Variants in PTPN14 observed in about 807,000 individuals in gnomAD.
PTPN14 encodes protein tyrosine phosphatase non-receptor type 14, also known as tyrosine-protein phosphatase non-receptor type 14.
A neutral mutation model predicts 126.8 loss-of-function variants in PTPN14; 53 were observed. The observed-to-expected ratio is 0.42, with a 90% CI of 0.34 to 0.53. The LOEUF (loss-of-function observed/expected upper bound fraction) is 0.53, where lower values mean the gene tolerates loss of function less well. Ranked by LOEUF, PTPN14 falls within the 20% of genes least tolerant of loss-of-function variation. The pLI, the probability that PTPN14 is intolerant of heterozygous loss-of-function variation, is 0.08. For missense variants in PTPN14, 1,257 were observed against 1,552.9 expected, an observed-to-expected ratio of 0.81 and a Z score of 3.20; for synonymous variants, 630 against 599.3, an observed-to-expected ratio of 1.05 and a Z score of -0.75.
chr1:214,533,384 G>A lies in PTPN14; in HGVS notation c.-155+17799C>T, dbSNP rs538838660. The A allele has an allele frequency of 9.1e-5, 41 of 448,868 alleles. 3 individuals are homozygous for A. The highest frequency in any genetic ancestry group is 7.0e-4 in the South Asian group (37 of 52,578). The allele number at this position is 448,868 out of a possible 1,614,324, so 27.8% of individuals were successfully genotyped here. ...TGGTGATGGACAGCAGCAACTCCAC[G>A]CAAACCATTCAAAAGACCACCACCT... On this transcript the variant is annotated intron_variant, in intron 1 of 18. Transcript: ENST00000366956.
At chr1:214,543,666 C>T (rs1039342433) in intron 1 of PTPN14, among the ~76,000 whole-genome samples, 2 of 151,810 alleles carry the variant, frequency 1.3e-5, no homozygotes, top group African/African-American at 4.8e-5. Flanking sequence ...GAGTCTCGCT[C>T]TGTCTCCCAG....
chr1:214,477,780 A>G (rs976980913), intron 1 of PTPN14, among the ~76,000 whole-genome samples: 2 of 152,198 alleles, frequency 1.3e-5, no homozygotes, highest in Admixed American at 6.5e-5. Context: ...TGGGACTCTT[A>G]GCTCTTAAAA....
chr1:214,443,444 A>T (rs1017422171), intron 3 of PTPN14, among the ~76,000 whole-genome samples: 2 of 152,156 alleles, frequency 1.3e-5, no homozygotes, highest in Non-Finnish European at 2.9e-5. Context: ...AGACAGTGAA[A>T]ATTTTAGTTT....
At chr1:214,527,517 C>T (rs1288002807) in intron 1 of PTPN14, among the ~76,000 whole-genome samples, 1 of 152,158 alleles carries the variant, frequency 6.6e-6, no homozygotes, top group African/African-American at 2.4e-5. Context: ...AAGCATGCAT[C>T]AGTAATTCCA....
At chr1:214,540,599 C>T (rs562271930) in intron 1 of PTPN14, among the ~76,000 whole-genome samples, 1 of 152,284 alleles carries the variant, frequency 6.6e-6, no homozygotes, top group East Asian at 1.9e-4. Context: ...TCACTCTGTA[C>T]AAGTGGTACC....
intron 3 of PTPN14, among the ~76,000 whole-genome samples, chr1:214,437,010 ATT>A (rs10582793): frequency 0.73 from 108,174 of 147,686 alleles, 39,450 homozygotes; most frequent in Admixed American, 0.78. Context: ...GCCTCTCTGT[ATT>A]TTTTTTTTTT....
chr1:214,389,625 T>C (rs1192770445), intron 11 of PTPN14, among the ~76,000 whole-genome samples: 1 of 152,220 alleles, frequency 6.6e-6, no homozygotes, highest in African/African-American at 2.4e-5. Context: ...AGACTTCCTA[T>C]AAACTGTCTT....
intron 1 of PTPN14, among the ~76,000 whole-genome samples, chr1:214,488,314 G>A (rs1327805214): frequency 6.6e-6 from 1 of 152,146 alleles, no homozygotes. Context: ...GTACCTTGTA[G>A]GGGCCAGGCA....
chr1:214,482,471 T>A lies in PTPN14; in HGVS notation c.-154-17514A>T, dbSNP rs139694394. Among the ~76,000 whole-genome samples, 229 of 152,286 alleles carry A rather than the reference T, an allele frequency of 1.5e-3. 1 individual carries two copies. Among genetic ancestry groups the A allele is most frequent in the African/African-American group, 5.3e-3 (221 of 41,570 alleles). On this transcript the variant is annotated intron_variant, in intron 1 of 18. Coordinates refer to ENST00000366956, the MANE Select transcript of PTPN14 (RefSeq NM_005401.5). The stretch of plus-strand genomic sequence containing the variant: ...TGTGATCCATACAAAACACCAACAT[T>A]TTAGGTTGCACATAATTAAAGAAAT...
At chr1:214,506,979 A>C (rs1654860825) in intron 1 of PTPN14, among the ~76,000 whole-genome samples, 1 of 151,520 alleles carries the variant, frequency 6.6e-6, no homozygotes, top group Admixed American at 6.6e-5. Context: ...AGCTGTGTTT[A>C]AGTTAAATGA....
At chr1:214,477,086 C>T (rs1660883733) in intron 1 of PTPN14, among the ~76,000 whole-genome samples, 2 of 152,140 alleles carry the variant, frequency 1.3e-5, no homozygotes, top group African/African-American at 4.8e-5. Context: ...GACTGGAAAC[C>T]GCAACAGGGT....
At chr1:214,472,450 G>A (rs1039967996) in intron 1 of PTPN14, among the ~76,000 whole-genome samples, 19 of 152,286 alleles carry the variant, frequency 1.2e-4, no homozygotes, top group African/African-American at 4.1e-4. Context: ...GCAGAAGCAT[G>A]AGCCAATTCA....
chr1:214,377,415 C>G (rs571155901), intron 14 of PTPN14, among the ~76,000 whole-genome samples: 1 of 152,208 alleles, frequency 6.6e-6, no homozygotes, highest in South Asian at 2.1e-4. Context: ...GAGAGGATAA[C>G]CATGGGGTAC....
intron 3 of PTPN14, among the ~76,000 whole-genome samples, chr1:214,430,394 C>G (rs1659772722): frequency 6.6e-6 from 1 of 152,168 alleles, no homozygotes; most frequent in Admixed American, 6.5e-5. Context: ...TTTTATGTGT[C>G]AATTTGGCTA....
chr1:214,396,169 C>T (rs1658874330), intron 8 of PTPN14, among the ~76,000 whole-genome samples: 1 of 152,178 alleles, frequency 6.6e-6, no homozygotes, highest in South Asian at 2.1e-4. Context: ...TGTATAGAGT[C>T]CGATTCTTAC....
chr1:214,407,524 T>C (rs964579992), intron 5 of PTPN14, among the ~76,000 whole-genome samples: 2 of 151,812 alleles, frequency 1.3e-5, no homozygotes, highest in African/African-American at 4.8e-5. Context: ...TGAATGGAGT[T>C]ATTCATGAAA....
chr1:214,358,664 T>C (rs1657881891), intron 18 of PTPN14, among the ~76,000 whole-genome samples: 1 of 152,182 alleles, frequency 6.6e-6, no homozygotes, highest in Admixed American at 6.5e-5. Flanking sequence ...TGAAATAACA[T>C]TTGCCTCATG....
chr1:214,434,143 A>G (rs547800082), intron 3 of PTPN14, among the ~76,000 whole-genome samples: 105 of 152,188 alleles, frequency 6.9e-4, no homozygotes, highest in Non-Finnish European at 7.4e-4. Flanking sequence ...AGAAAAACCC[A>G]AAAAAGTACT....
intron 2 of PTPN14, among the ~76,000 whole-genome samples, chr1:214,460,082 G>A (rs944181191): frequency 2.0e-5 from 3 of 152,108 alleles, no homozygotes; most frequent in African/African-American, 7.2e-5. Flanking sequence ...GTTTGAACCG[G>A]CCTCACAACT....
Sources: allele counts gnomAD v4.1 joint callset (sites outside exome capture counted in the v4.1 genomes callset), GRCh38; gene constraint gnomAD v4.1.1; transcripts MANE v1.5; gene names NCBI Gene and HGNC (gene_info 2026-07-23, HGNC 2026-07-21).